STK32A: variants seen among roughly 807,000 people sequenced by gnomAD.
STK32A encodes the protein serine/threonine-protein kinase 32A.
Under a neutral mutation model 53.2 loss-of-function variants are expected in STK32A, and 41 were observed. The ratio of observed to expected loss-of-function variants is 0.77; its 90% CI spans 0.60 to 1.00. The LOEUF (loss-of-function observed/expected upper bound fraction) is 1.00. Among genes scored for constraint, STK32A ranks in the 50% least tolerant of loss-of-function variants. The probability of loss-of-function intolerance (pLI) is 0.00; values close to 1 mark genes in which losing one functional copy is unlikely to be tolerated. For synonymous variants in STK32A, 166 were observed against 162.8 expected (o/e 1.02, Z -0.15); for missense variants, 458 against 485.8 (o/e 0.94, Z 0.54).
intron 2 of STK32A, among the ~76,000 whole-genome samples, chr5:147,264,440 G>A (rs563432137): frequency 6.6e-6 from 1 of 152,218 alleles, no homozygotes; most frequent in Non-Finnish European, 1.5e-5. Flanking sequence ...GTTTGGGATT[G>A]GATTGGGAAG....
At chr5:147,361,454 T>C in intron 7 of STK32A, 63 bp from the exon 8 acceptor site, 1 of 1,092,154 alleles carries the variant, frequency 9.2e-7, no homozygotes, top group South Asian at 1.3e-5. Flanking sequence ...GAGGAACATG[T>C]TGAGAAAATA....
At chr5:147,329,152 G>A (rs2151980619) in intron 5 of STK32A, among the ~76,000 whole-genome samples, 1 of 152,270 alleles carries the variant, frequency 6.6e-6, no homozygotes. Context: ...GAAGATTTAT[G>A]GCTGTGTAGA....
chr5:147,332,731 G>A (rs922172235), intron 5 of STK32A, among the ~76,000 whole-genome samples: 1 of 152,104 alleles, frequency 6.6e-6, no homozygotes, highest in Non-Finnish European at 1.5e-5. Flanking sequence ...AAACAAAACG[G>A]CAGTGCAGTA....
the STK32A span, chr5:147,397,914 A>C: frequency 1.4e-6 from 2 of 1,420,590 alleles, no homozygotes; most frequent in Non-Finnish European, 1.9e-6. Flanking sequence ...TCTCTCCTTG[A>C]GACCTTCAGT....
rs141016464 is a variant in STK32A, at chr5:147,331,612, C to T, written c.434+7541C>T. ...GAAAGATTTGTTGAAGTCCTAACCT[C>T]CAGTGCCTCAGACTGTCATCTTTTT... On this transcript the variant is annotated intron_variant, in intron 5 of 12. Transcript: ENST00000397936. Among the ~76,000 whole-genome samples the T allele has an allele frequency of 5.9e-3, 896 of 152,322 alleles. 7 individuals carry two copies. Among genetic ancestry groups the T allele is most frequent in the Non-Finnish European group, 0.01 (684 of 68,024 alleles).
In STK32A at chr5:147,341,650, A is replaced by AT. The variant is rs375663498; in HGVS notation, c.435-1345dup. ...GTACACACCACTGTGCCTGGCAAGAATTTTTTTTTTTAGGATGTTATAAGG... is the reference window on the plus strand; with the variant it reads ...GTACACACCACTGTGCCTGGCAAGAATTTTTTTTTTTTAGGATGTTATAAGG... On this transcript the variant is annotated intron_variant, in intron 5 of 12. Coordinates refer to ENST00000397936, the MANE Select transcript of STK32A (RefSeq NM_001112724.2). Among the ~76,000 whole-genome samples the AT allele has an allele frequency of 4.6e-4, 68 of 148,222 alleles. 1 individual carries two copies. The highest frequency in any genetic ancestry group is 1.2e-3 in the African/African-American group (48 of 40,542).
At chr5:147,361,319 T>C (rs1756493369) in intron 7 of STK32A, among the ~76,000 whole-genome samples, 198 bp from the exon 8 acceptor site, 1 of 152,236 alleles carries the variant, frequency 6.6e-6, no homozygotes, top group Non-Finnish European at 1.5e-5. Flanking sequence ...GTGTGTTGAC[T>C]GATGAATGAG....
At chr5:147,396,589 C>A in the STK32A span, among the ~76,000 whole-genome samples, 4 of 152,146 alleles carry the variant, frequency 2.6e-5, no homozygotes, top group African/African-American at 9.7e-5. Context: ...CAAATGCCAG[C>A]ACAGAAGCCG....
At chr5:147,273,823 C>T (rs981908839) in intron 2 of STK32A, among the ~76,000 whole-genome samples, 4 of 152,124 alleles carry the variant, frequency 2.6e-5, no homozygotes, top group Admixed American at 2.6e-4. Flanking sequence ...AATCTAACCT[C>T]AACATTAATA....
intron 4 of STK32A, among the ~76,000 whole-genome samples, chr5:147,314,289 G>T (rs766323410): frequency 5.9e-5 from 9 of 152,046 alleles, no homozygotes; most frequent in Non-Finnish European, 1.2e-4. Context: ...CCTGAGGTCA[G>T]GAGTTCAAGA....
At chr5:147,330,326 G>T (rs919211934) in intron 5 of STK32A, among the ~76,000 whole-genome samples, 4 of 152,124 alleles carry the variant, frequency 2.6e-5, no homozygotes, top group African/African-American at 9.7e-5. Flanking sequence ...GAGTAAGTTG[G>T]CTAGAAAGAA....
intron 9 of STK32A, 129 bp downstream of exon 9, chr5:147,370,899 G>A (rs1756980452): frequency 1.4e-5 from 7 of 508,870 alleles, no homozygotes; most frequent in Non-Finnish European, 2.1e-5. Flanking sequence ...GTATTTTCTA[G>A]CTGTTAGCTT....
rs576340852 is a variant in STK32A, at chr5:147,289,025, C to G, written c.260+9627C>G. ...GTTATGACATTCTGAACTTGCCCATCTCCTATGGTTCATTGTGGACATCCA... is the reference window on the plus strand; with the variant it reads ...GTTATGACATTCTGAACTTGCCCATGTCCTATGGTTCATTGTGGACATCCA... On this transcript the variant is annotated intron_variant, in intron 4 of 12. Coordinates refer to ENST00000397936, the MANE Select transcript of STK32A (RefSeq NM_001112724.2). 4.6e-5 allele frequency among the ~76,000 whole-genome samples: 7 copies of G among 152,276 alleles called. No homozygotes were observed. The East Asian group carries it at 1.4e-3, about 29-fold the overall frequency.
At chr5:147,331,746 G>A (rs1277826478) in intron 5 of STK32A, among the ~76,000 whole-genome samples, 1 of 152,158 alleles carries the variant, frequency 6.6e-6, no homozygotes, top group African/African-American at 2.4e-5. Context: ...TGGACACAGA[G>A]GAACATACAA....
chr5:147,281,270 T>A (rs1419415148), intron 4 of STK32A, among the ~76,000 whole-genome samples: 1 of 152,104 alleles, frequency 6.6e-6, no homozygotes. Context: ...CTGATTTACC[T>A]GAAAAAGAAT....
At chr5:147,342,897 T>C (rs979129705) in intron 5 of STK32A, 109 bp from the exon 6 acceptor site, 3 of 884,188 alleles carry the variant, frequency 3.4e-6, no homozygotes, top group African/African-American at 3.3e-5. Flanking sequence ...ATTGAGAAGC[T>C]AGTACACTGT....
rs1337429024 is a variant in STK32A, at chr5:147,386,276, A to C, written c.*2293A>C. ...GGGATGTGTTGGAAAGAGCAAGAAT[A>C]AGAAAGTGACCAGATTCTGCTGCAG... On this transcript the variant is annotated 3_prime_UTR_variant, in exon 13 of 13. Coordinates refer to ENST00000397936, the MANE Select transcript of STK32A (RefSeq NM_001112724.2). 6.6e-6 allele frequency: 1 copy of C among 152,220 alleles called. No homozygotes were observed. The highest frequency in any genetic ancestry group is 1.5e-5 in the Non-Finnish European group (1 of 68,034). The allele number at this position is 152,220 out of a possible 1,614,324, so 9.4% of individuals were successfully genotyped here.
At chr5:147,336,016 A>G (rs1035771897) in intron 5 of STK32A, among the ~76,000 whole-genome samples, 10 of 152,226 alleles carry the variant, frequency 6.6e-5, no homozygotes, top group African/African-American at 2.4e-4. Flanking sequence ...TTAAACCTCC[A>G]CTATCTACTG....
downstream of STK32A, among the ~76,000 whole-genome samples, chr5:147,388,371 G>C (rs974890688): frequency 6.6e-6 from 1 of 152,178 alleles, no homozygotes; most frequent in Non-Finnish European, 1.5e-5. Context: ...ACCCACAGTG[G>C]GTGGGCAGCC....
Sources: gnomAD v4.1 joint callset for allele counts (sites outside exome capture counted in the v4.1 genomes callset) on GRCh38, gnomAD v4.1.1 for gene constraint, MANE v1.5 for transcripts, NCBI Gene and HGNC (gene_info 2026-07-23, HGNC 2026-07-21) for gene names.